KMO: variants seen among roughly 807,000 people sequenced by gnomAD.
The protein encoded by KMO is kynurenine 3-hydroxylase.
A neutral mutation model predicts 57.8 loss-of-function variants in KMO; 24 were observed. The observed-to-expected ratio is 0.42, with a 90% CI of 0.30 to 0.58. The LOEUF is 0.58. Ranked by LOEUF, KMO falls within the 20% of genes least tolerant of loss-of-function variation. The pLI, the probability that KMO is intolerant of heterozygous loss-of-function variation, is 0.22. For missense variants in KMO, 483 were observed against 588.2 expected (o/e 0.82, Z 1.85); for synonymous variants, 210 against 193.6 (o/e 1.08, Z -0.70).
chr1:241,562,659 G>A (rs1396458717), intron 7 of KMO, among the ~76,000 whole-genome samples: 1 of 152,110 alleles, frequency 6.6e-6, no homozygotes, highest in African/African-American at 2.4e-5. Context: ...GGGCCACATA[G>A]GGAGACTCTG....
rs751933375 is a variant in KMO, at chr1:241,590,110, A to G, written c.1197A>G (p.Thr399=). ...IMPSTFIPLY[T]MVTFSRIRYH... The stretch of plus-strand genomic sequence containing the variant: ...CATCGACCTTTATCCCTCTCTATAC[A>G]ATGGTAAGGTCTGGACTGAAGACTT... Residue 399 remains threonine (T), a synonymous_variant, in exon 13 of 15, where the codon ACA becomes ACG. Coordinates refer to ENST00000366559, the MANE Select transcript of KMO (RefSeq NM_003679.5). 6 of 1,610,932 alleles carry G rather than the reference A, an allele frequency of 3.7e-6. No individual in the cohort carries two copies. Among genetic ancestry groups the G allele is most frequent in the Non-Finnish European group, 5.1e-6 (6 of 1,177,318 alleles).
intron 6 of KMO, among the ~76,000 whole-genome samples, chr1:241,561,720 C>G (rs1304994807): frequency 1.3e-5 from 2 of 152,212 alleles, no homozygotes; most frequent in African/African-American, 4.8e-5. Context: ...TCTTGACATT[C>G]AAGATTCTCT....
At chr1:241,573,124 T>C (rs1028366901) in intron 10 of KMO, among the ~76,000 whole-genome samples, 1 of 151,998 alleles carries the variant, frequency 6.6e-6, no homozygotes, top group African/African-American at 2.4e-5. Flanking sequence ...TTTTTGGTAT[T>C]GGTATTGTTT....
Position 241,555,624 on chromosome 1 carries a change from G to A in KMO, c.325G>A (p.Val109Ile), listed in dbSNP as rs1331598939. ...ACTTTTCTTGCAGTATATTCTTTCT[G>A]TAAGCAGAGAAAATCTAAACAAGGA... ...YGTKSQYILS[V>I]SRENLNKDLL... The change falls in exon 5 of 15, where the codon GTA (valine) becomes ATA (isoleucine). Residue 109 changes from valine (V) to isoleucine (I), a missense_variant. This residue lies in a region of KMO where 410 missense variants were observed against 492.3 expected (regional missense o/e 0.83). Transcript: ENST00000366559. The A allele has an allele frequency of 3.8e-6, 6 of 1,568,792 alleles. No homozygotes were observed. Among genetic ancestry groups the A allele is most frequent in the Non-Finnish European group, 5.3e-6 (6 of 1,140,606 alleles).
At chr1:241,571,352 T>C (rs1662270481) in intron 10 of KMO, among the ~76,000 whole-genome samples, 1 of 152,158 alleles carries the variant, frequency 6.6e-6, no homozygotes, top group Non-Finnish European at 1.5e-5. Context: ...GTTCTTGTCT[T>C]GTTCCATATT....
rs1173320467 is a variant in KMO at position 241,593,994 on chromosome 1, A to G, written c.*1841A>G. The G allele has an allele frequency of 1.8e-5, 3 of 163,898 alleles. No individual in the cohort carries two copies. Among genetic ancestry groups the G allele is most frequent in the Non-Finnish European group, 4.0e-5 (3 of 75,246 alleles). 10.2% of individuals were successfully genotyped at this position (163,898 alleles called of 1,614,324 possible). ...TTGATAACTTGATCAGATATAGGAC[A>G]TGACACTGAATAGAGTCCAACAGTA... On this transcript the variant is annotated 3_prime_UTR_variant, in exon 15 of 15. Coordinates refer to ENST00000366559, the MANE Select transcript of KMO (RefSeq NM_003679.5).
At chr1:241,580,989 C>T (rs1476156008) in intron 10 of KMO, among the ~76,000 whole-genome samples, 2 of 151,956 alleles carry the variant, frequency 1.3e-5, no homozygotes, top group Non-Finnish European at 2.9e-5. Flanking sequence ...ATAATATTTG[C>T]TTTCTATATC....
intron 1 of KMO, among the ~76,000 whole-genome samples, chr1:241,536,913 T>G (rs1373196700): frequency 6.6e-6 from 1 of 152,290 alleles, no homozygotes; most frequent in East Asian, 1.9e-4. Context: ...TATGAGAGTT[T>G]ATGTCTCACA....
At chr1:241,554,371 G>A (rs1315132748) in intron 4 of KMO, among the ~76,000 whole-genome samples, 1 of 151,462 alleles carries the variant, frequency 6.6e-6, no homozygotes, top group Non-Finnish European at 1.5e-5. Context: ...TGCAACTTAG[G>A]CCTCTCGGGT....
intron 11 of KMO, 122 bp downstream of exon 11, chr1:241,586,858 A>G: frequency 1.4e-6 from 1 of 695,754 alleles, no homozygotes. Context: ...CCCCAGGATT[A>G]CATATTTTTC....
chr1:241,578,347 G>A (rs992516362), intron 10 of KMO, among the ~76,000 whole-genome samples: 2 of 152,134 alleles, frequency 1.3e-5, no homozygotes, highest in East Asian at 1.9e-4. Context: ...GCAGAAAGAT[G>A]TGGGACTCAA....
chr1:241,535,366 A>T (rs2147936483), intron 1 of KMO, among the ~76,000 whole-genome samples: 1 of 152,208 alleles, frequency 6.6e-6, no homozygotes, highest in East Asian at 1.9e-4. Context: ...AAAAAATGAG[A>T]GTTGAGAACC....
At chr1:241,556,294 C>T (rs1040906658) in intron 5 of KMO, among the ~76,000 whole-genome samples, 4 of 151,926 alleles carry the variant, frequency 2.6e-5, no homozygotes, top group South Asian at 2.1e-4. Context: ...CTACCACATA[C>T]GACCAATTTT....
At chr1:241,570,456 T>C (rs1662231572) in intron 10 of KMO, among the ~76,000 whole-genome samples, 1 of 152,150 alleles carries the variant, frequency 6.6e-6, no homozygotes, top group Non-Finnish European at 1.5e-5. Context: ...TTTTTGTATA[T>C]GGTGAAAGAT....
chr1:241,570,492 T>C (rs1193880255), intron 10 of KMO, among the ~76,000 whole-genome samples: 1 of 152,156 alleles, frequency 6.6e-6, no homozygotes, highest in Non-Finnish European at 1.5e-5. Flanking sequence ...TTCTTCAGCA[T>C]ATGGATATCT....
At chr1:241,552,175 T>TGAGA (rs35145528) in intron 4 of KMO, among the ~76,000 whole-genome samples, 87 of 111,084 alleles carry the variant, frequency 7.8e-4, no homozygotes, top group South Asian at 2.6e-3. Context: ...TGAGTGTGTG[T>TGAGA]GAGAGAGAGA....
At position 241,592,777 on chromosome 1, in the gene KMO, T is replaced by TCTAC. The variant is rs1265027124; in HGVS notation, c.*627_*628insCCTA. The TCTAC allele has an allele frequency of 6.7e-6, 1 of 148,640 alleles. No homozygotes were observed. Among genetic ancestry groups the TCTAC allele is most frequent in the African/African-American group, 2.4e-5 (1 of 40,896 alleles). 9.2% of individuals were successfully genotyped at this position (148,640 alleles called of 1,614,324 possible). Reference sequence around the variant, plus strand: ...TATCATCTATCTATCTATCTATCTATCTATCTATCTATCTATCTATCTCTA... The same window carrying TCTAC: ...TATCATCTATCTATCTATCTATCTATCTACCTATCTATCTATCTATCTATCTCTA... On this transcript the variant is annotated 3_prime_UTR_variant, in exon 15 of 15. Transcript: ENST00000366559.
chr1:241,546,160 C>T (rs965193444), intron 1 of KMO, among the ~76,000 whole-genome samples: 5 of 152,090 alleles, frequency 3.3e-5, no homozygotes, highest in African/African-American at 1.2e-4. Context: ...GTTTGCCCTT[C>T]TCCTGGGATG....
intron 11 of KMO, among the ~76,000 whole-genome samples, chr1:241,587,031 C>CT (rs1663023650): frequency 6.6e-6 from 1 of 152,174 alleles, no homozygotes; most frequent in Non-Finnish European, 1.5e-5. Context: ...CTTTCTCTCC[C>CT]TTTTCAGCCT....
Sources: allele counts gnomAD v4.1 joint callset (sites outside exome capture counted in the v4.1 genomes callset), GRCh38; gene constraint gnomAD v4.1.1; regional missense constraint gnomAD v4.1.1; transcripts MANE v1.5; gene names NCBI Gene and HGNC (gene_info 2026-07-23, HGNC 2026-07-21).